Variants in OR10H1 observed in about 807,000 individuals in gnomAD.
OR10H1 encodes the protein olfactory receptor family 10 subfamily H member 1, also known as olfactory receptor 10H1.
Under a neutral mutation model 13.1 loss-of-function variants are expected in OR10H1, and 12 were observed. The observed-to-expected ratio is 0.92, with a 90% CI of 0.59 to 1.48. OR10H1 has a LOEUF of 1.48. Ranked by LOEUF, OR10H1 falls within the 40% of genes most tolerant of loss-of-function variation. The probability of loss-of-function intolerance (pLI) is 0.00; values close to 1 mark genes in which losing one functional copy is unlikely to be tolerated. For missense variants in OR10H1, 363 were observed against 413.1 expected (o/e 0.88, Z 1.05); for synonymous variants, 168 against 175.6 (o/e 0.96, Z 0.34).
At position 15,807,622 on chromosome 19, in the gene OR10H1, C is replaced by G. The variant is rs146037488; in HGVS notation, c.416G>C (p.Arg139Pro). 22 of 1,614,054 alleles carry G rather than the reference C, an allele frequency of 1.4e-5. No homozygotes were observed. The African/African-American group carries it at 2.0e-4, about 15-fold the overall frequency. Reference protein sequence around the residue: ...PLRYNVLMSPRGCACLVGCSW... With the variant: ...PLRYNVLMSPPGCACLVGCSW... ...GCAGCCCACCAGGCAGGCGCAGCCCCGCGGGCTCATGAGCACGTTGTAGCG... is the reference window on the plus strand; with the variant it reads ...GCAGCCCACCAGGCAGGCGCAGCCCGGCGGGCTCATGAGCACGTTGTAGCG... Residue 139 changes from arginine (R) to proline (P), a missense_variant, in exon 4 of 4, where the codon CGG becomes CCG. Transcript: ENST00000641419.
intron 3 of OR10H1, 176 bp from the exon 4 acceptor site, chr19:15,808,224 T>C: frequency 3.3e-6 from 2 of 602,832 alleles, no homozygotes. Context: ...GTACTATTTT[T>C]TCAACCCCCT....
At position 15,810,074 on chromosome 19, in the gene OR10H1, C is replaced by T. The variant is rs28428776; in HGVS notation, c.-128-1233G>A. 4.6e-3 allele frequency among the ~76,000 whole-genome samples: 704 copies of T among 152,180 alleles called. 3 individuals are homozygous for T. The highest frequency in any genetic ancestry group is 0.016 in the African/African-American group (668 of 41,526). On this transcript the variant is annotated intron_variant, in intron 2 of 3. Transcript: ENST00000641419. ...CTTTGGGAGGCCAAGGTGGGCAGAT[C>T]ACTTGAGATCAGGAGTTCGAGACCA...
rs544744210 is a variant in OR10H1, at chr19:15,805,745, G to A, written c.*1336C>T. ...TTACAGGCATGAGCCACTGCGCCTG[G>A]CCATGAGATAAACTCATCCTGGGGT... On this transcript the variant is annotated 3_prime_UTR_variant, in exon 4 of 4. Coordinates refer to ENST00000641419, the MANE Select transcript of OR10H1 (RefSeq NM_013940.4). 1.3e-5 allele frequency: 2 copies of A among 150,942 alleles called. No individual in the cohort carries two copies. Among genetic ancestry groups the A allele is most frequent in the East Asian group, 3.9e-4 (2 of 5,138 alleles). 9.4% of individuals were successfully genotyped at this position (150,942 alleles called of 1,614,324 possible). A position where few individuals can be genotyped will look rare whatever the true frequency, so the allele number is the denominator to read the frequency against.
intron 1 of OR10H1, among the ~76,000 whole-genome samples, chr19:15,813,919 T>C (rs1354018186): frequency 6.6e-6 from 1 of 150,386 alleles, no homozygotes; most frequent in Non-Finnish European, 1.5e-5. Context: ...AAGAAAAAGG[T>C]GAGAAGAAAG....
In OR10H1 at chr19:15,807,476, C is replaced by A. The variant is rs2088905684; in HGVS notation, c.562G>T (p.Ala188Ser). The A allele has an allele frequency of 6.2e-7, 1 of 1,614,214 alleles. No individual in the cohort carries two copies. The highest frequency in any genetic ancestry group is 1.3e-5 in the African/African-American group (1 of 75,050). ...ACHVPPLLKL[A>S]CGDDVLVVAK... ...ACCACCAGCACATCGTCTCCACAGG[C>A]CAACTTCAACAGAGGTGGCACATGG... The change falls in exon 4 of 4, where the codon GCC becomes TCC. Residue 188 changes from alanine (A) to serine (S), a missense_variant. Ala to Ser is a moderately conservative substitution (Grantham distance 99). Coordinates refer to ENST00000641419, the MANE Select transcript of OR10H1 (RefSeq NM_013940.4).
At position 15,812,238 on chromosome 19, in the gene OR10H1, G is replaced by A. The variant is rs2088936019; in HGVS notation, c.-137C>T. 1 of 152,052 alleles carries A rather than the reference G, an allele frequency of 6.6e-6. No homozygotes were observed. Among genetic ancestry groups the A allele is most frequent in the Non-Finnish European group, 1.5e-5 (1 of 68,100 alleles). 9.4% of individuals were successfully genotyped at this position (152,052 alleles called of 1,614,324 possible). A position where few individuals can be genotyped will look rare whatever the true frequency, so the allele number is the denominator to read the frequency against. ...CCTCTTGTTATACTCACCAGTTGCT[G>A]GTGGCTGTTTCAAAGGCCACTAGGA... On this transcript the variant is annotated 5_prime_UTR_variant, in exon 2 of 4. Coordinates refer to ENST00000641419, the MANE Select transcript of OR10H1 (RefSeq NM_013940.4).
Position 15,807,506 on chromosome 19 carries a change from C to A in OR10H1, c.532G>T (p.Ala178Ser). The change falls in exon 4 of 4, where the codon GCT (alanine) becomes TCT (serine). Residue 178 changes from alanine to serine, a missense_variant. Transcript: ENST00000641419. Reference protein sequence around the residue: ...FCGHKEIHHFACHVPPLLKLA... With the variant: ...FCGHKEIHHFSCHVPPLLKLA... ...TTCAACAGAGGTGGCACATGGCAAG[C>A]AAAATGGTGGATCTCCTTGTGTCCA... The A allele has an allele frequency of 1.2e-6, 2 of 1,614,178 alleles. No individual in the cohort carries two copies. The highest frequency in any genetic ancestry group is 1.1e-5 in the South Asian group (1 of 91,084).
chr19:15,808,119 G>T, intron 3 of OR10H1, 71 bp from the exon 4 acceptor site: 1 of 1,321,896 alleles, frequency 7.6e-7, no homozygotes, highest in African/African-American at 1.4e-5. Context: ...CCCATACCTG[G>T]ATTTGCCCAA....
Position 15,806,718 on chromosome 19 carries a change from TTTC to T in OR10H1, c.*360_*362del, listed in dbSNP as rs1652548373. 5.0e-5 allele frequency: 10 copies of T among 198,512 alleles called. No homozygotes were observed. In the South Asian group the frequency reaches 9.5e-4, roughly 19 times the overall value. 12.3% of individuals were successfully genotyped at this position (198,512 alleles called of 1,614,324 possible). A position where few individuals can be genotyped will look rare whatever the true frequency, so the allele number is the denominator to read the frequency against. ...CCACAGTGCTTGGCTGGAACGTAAT[TTTC>T]TTTTTTTCTTTCTTTCTTTCTTCTT... On this transcript the variant is annotated 3_prime_UTR_variant, in exon 4 of 4. Transcript: ENST00000641419.
At chr19:15,814,631 A>G (rs931254105) in intron 1 of OR10H1, among the ~76,000 whole-genome samples, 4 of 142,028 alleles carry the variant, frequency 2.8e-5, no homozygotes, top group Non-Finnish European at 6.4e-5. Context: ...TCCCACCTCA[A>G]TCTCTGGAGT....
rs762370423 is a variant in OR10H1 at position 15,807,908 on chromosome 19, G to A, written c.130C>T (p.Leu44Phe). Reference protein sequence around the residue: ...MYLFTLLGNLLIMATVWSERS... With the variant: ...MYLFTLLGNLFIMATVWSERS... ...TCGCTCCAGACGGTGGCCATGATGA[G>A]CAGGTTGCCCAGCAGCGTGAACAGG... Residue 44 changes from leucine (L) to phenylalanine (F), a missense_variant, in exon 4 of 4, where the codon CTC becomes TTC. By Grantham distance (22) the Leu-to-Phe change is conservative (BLOSUM62 0). Transcript: ENST00000641419. The A allele has an allele frequency of 6.2e-7, 1 of 1,614,072 alleles. No homozygotes were observed. Among genetic ancestry groups the A allele is most frequent in the Admixed American group, 1.7e-5 (1 of 59,996 alleles).
intron 2 of OR10H1, among the ~76,000 whole-genome samples, chr19:15,809,941 T>C (rs28758833): frequency 0.41 from 61,539 of 151,878 alleles, 13,592 homozygotes; most frequent in African/African-American, 0.57. Flanking sequence ...TCAGCCCCCT[T>C]AAATAGCTGG....
chr19:15,810,893 TAAAATAAAAATAAAGAAAAG>T (rs1568454288), intron 2 of OR10H1, among the ~76,000 whole-genome samples: 7 of 82,400 alleles, frequency 8.5e-5, no homozygotes, highest in East Asian at 2.5e-4. Flanking sequence ...AGAAATAAAA[TAAAATAAAAATAAAGAAAAG>T]AAAATAAATA....
chr19:15,807,992 C>G lies in OR10H1; in HGVS notation c.46G>C (p.Gly16Arg), dbSNP rs4808383. The G allele has an allele frequency of 0.19, 312,115 of 1,613,668 alleles. 30,712 individuals carry two copies. The highest frequency in any genetic ancestry group is 0.21 in the South Asian group (18,686 of 91,062). Residue 16 changes from glycine to arginine, a missense_variant, in exon 4 of 4, where the codon GGC (glycine) becomes CGC (arginine). This residue lies in a region of OR10H1 where 318 missense variants were observed against 366.6 expected (regional missense o/e 0.87). Transcript: ENST00000641419. ...HSTVTQFILVGFSVFPHLQLM... is the reference protein window; with the variant it reads ...HSTVTQFILVRFSVFPHLQLM... ...TGGAGGTGGGGGAAGACAGAGAAGC[C>G]GACGAGGATGAATTGGGTCACTGTG...
In OR10H1 at chr19:15,812,649, A is replaced by AGGAGAGTG. The variant is rs2088940278; in HGVS notation, c.-549_-548insCACTCTCC. On this transcript the variant is annotated 5_prime_UTR_variant, in exon 2 of 4. The change abolishes the stop of an existing upstream ORF in the 5' untranslated region. Transcript: ENST00000641419. ...AAGGAGAGTGAGGAAGGAAGGAAGA[A>AGGAGAGTG]AGGGAGGGAGGGAGGCAGGAAGGAA... is the stretch of plus-strand genomic sequence containing the variant. 1 of 91,490 alleles carries AGGAGAGTG rather than the reference A, an allele frequency of 1.1e-5. No homozygotes were observed. The highest frequency in any genetic ancestry group is 3.5e-5 in the African/African-American group (1 of 28,508). 5.7% of individuals were successfully genotyped at this position (91,490 alleles called of 1,614,324 possible).
At chr19:15,815,507 T>C (rs2088961793) in intron 1 of OR10H1, 48 bp downstream of exon 1, 1 of 152,288 alleles carries the variant, frequency 6.6e-6, no homozygotes, top group Admixed American at 6.5e-5. Flanking sequence ...CAGGTGCTGG[T>C]TCCCCAGGTC....
intron 1 of OR10H1, among the ~76,000 whole-genome samples, chr19:15,814,577 A>G (rs1266962123): frequency 6.7e-6 from 1 of 149,028 alleles, no homozygotes. Context: ...CAGAGGCACA[A>G]TCACAGCTCA....
rs984653897 is a variant in OR10H1 at position 15,807,018 on chromosome 19, C to G, written c.*63G>C. 49 of 1,480,778 alleles carry G rather than the reference C, an allele frequency of 3.3e-5. No homozygotes were observed. The Admixed American group carries it at 8.8e-4, about 27-fold the overall frequency. The allele number at this position is 1,480,778 out of a possible 1,614,324, so 91.7% of individuals were successfully genotyped here. On this transcript the variant is annotated 3_prime_UTR_variant, in exon 4 of 4. Coordinates refer to ENST00000641419, the MANE Select transcript of OR10H1 (RefSeq NM_013940.4). ...CTGGGATTACAGGCATGAGTCACCA[C>G]GGAACGTAATTTTTAACAATAGCCT...
In OR10H1 at chr19:15,807,199, G is replaced by T; in HGVS notation, c.839C>A (p.Thr280Lys). The T allele has an allele frequency of 1.9e-6, 3 of 1,614,144 alleles. No individual in the cohort carries two copies. The highest frequency in any genetic ancestry group is 2.2e-5 in the East Asian group (1 of 44,876). The change falls in exon 4 of 4, where the codon ACG becomes AAG. Residue 280 changes from threonine (T) to lysine (K), a missense_variant. By Grantham distance (78) the Thr-to-Lys change is moderately conservative. Coordinates refer to ENST00000641419, the MANE Select transcript of OR10H1 (RefSeq NM_013940.4). ...EGDTLMGITY[T>K]VLTPFLSPII... ...GGGGCTGAGGAAGGGTGTGAGGACC[G>T]TGTAGGTGATGCCCATCAAGGTGTC...
Sources: gnomAD v4.1 joint callset for allele counts (sites outside exome capture counted in the v4.1 genomes callset) on GRCh38, gnomAD v4.1.1 for gene constraint, gnomAD v4.1.1 regional missense constraint, MANE v1.5 for transcripts, NCBI Gene and HGNC (gene_info 2026-07-23, HGNC 2026-07-21) for gene names.